The following ADAMTS3 variants were observed in gnomAD, a reference collection of about 807,000 sequenced individuals.
The protein encoded by ADAMTS3 is A disintegrin and metalloproteinase with thrombospondin motifs 3.
ADAMTS3 carries 73 observed loss-of-function variants against 129.0 expected under a neutral mutation model. The ratio of observed to expected loss-of-function variants is 0.57; its 90% confidence interval spans 0.47 to 0.69. The LOEUF (loss-of-function observed/expected upper bound fraction) is 0.69, where lower values mean the gene tolerates loss of function less well. Among genes scored for constraint, ADAMTS3 ranks in the 30% least tolerant of loss-of-function variants. The probability of loss-of-function intolerance (pLI) is 0.00; values close to 1 mark genes in which losing one functional copy is unlikely to be tolerated. For missense variants in ADAMTS3, 1,457 were observed against 1,514.5 expected (o/e 0.96, Z 0.63); for synonymous variants, 477 against 510.8 (o/e 0.93, Z 0.89).
intron 4 of ADAMTS3, among the ~76,000 whole-genome samples, chr4:72,406,993 A>G (rs1722067642): frequency 6.6e-6 from 1 of 152,140 alleles, no homozygotes; most frequent in Admixed American, 6.6e-5. Context: ...GAACCACACA[A>G]ACGCTTCTAC....
At chr4:72,525,023 T>C (rs1720772440) in intron 3 of ADAMTS3, among the ~76,000 whole-genome samples, 1 of 152,188 alleles carries the variant, frequency 6.6e-6, no homozygotes, top group Non-Finnish European at 1.5e-5. Context: ...GATTCCATGA[T>C]TCAACTTCTC....
At chr4:72,469,577 T>A (rs2060303378) in intron 3 of ADAMTS3, among the ~76,000 whole-genome samples, 1 of 152,150 alleles carries the variant, frequency 6.6e-6, no homozygotes, top group Non-Finnish European at 1.5e-5. Flanking sequence ...GTGATCAGCA[T>A]GCACAGGTCT....
chr4:72,408,991 A>C (rs1722121291), intron 4 of ADAMTS3, among the ~76,000 whole-genome samples: 1 of 152,024 alleles, frequency 6.6e-6, no homozygotes, highest in Non-Finnish European at 1.5e-5. Context: ...GGTGCAACAA[A>C]CTACCAGGTC....
At chr4:72,348,499 C>T (rs537454731) in intron 4 of ADAMTS3, among the ~76,000 whole-genome samples, 7 of 151,928 alleles carry the variant, frequency 4.6e-5, no homozygotes, top group Admixed American at 1.3e-4. Flanking sequence ...TGCAGCAAGC[C>T]GACTTTCTAA....
chr4:72,302,816 G>A (rs184524421), intron 17 of ADAMTS3, among the ~76,000 whole-genome samples: 44 of 152,218 alleles, frequency 2.9e-4, no homozygotes, highest in African/African-American at 9.9e-4. Context: ...ATATAAATGA[G>A]GCTTCTCTTC....
At chr4:72,387,400 TGCTA>T (rs1721476107) in intron 4 of ADAMTS3, among the ~76,000 whole-genome samples, 1 of 152,234 alleles carries the variant, frequency 6.6e-6, no homozygotes, top group African/African-American at 2.4e-5. Context: ...CAATCAACTA[TGCTA>T]GCTGTCTCTT....
chr4:72,483,495 G>C (rs531704412), intron 3 of ADAMTS3, among the ~76,000 whole-genome samples: 2 of 152,200 alleles, frequency 1.3e-5, no homozygotes, highest in East Asian at 3.9e-4. Context: ...TTCCAAAAGA[G>C]TGACACCCCA....
chr4:72,291,825 C>A (rs530800926), intron 19 of ADAMTS3, among the ~76,000 whole-genome samples: 3 of 152,300 alleles, frequency 2.0e-5, no homozygotes, highest in South Asian at 2.1e-4. Flanking sequence ...GGAATCGCCA[C>A]ACTGACTTCC....
intron 3 of ADAMTS3, among the ~76,000 whole-genome samples, chr4:72,512,651 A>G (rs1296730987): frequency 1.7e-4 from 26 of 152,194 alleles, no homozygotes; most frequent in Admixed American, 1.7e-3. Flanking sequence ...GGGATGGAGA[A>G]CCCATTTTCT....
Position 72,379,810 on chromosome 4 carries a change from A to AAGTAGTGCATAT in ADAMTS3, c.661+34993_661+35004dup, listed in dbSNP as rs138869528. Among the ~76,000 whole-genome samples, 207 of 152,266 alleles carry AAGTAGTGCATAT rather than the reference A, an allele frequency of 1.4e-3. 1 individual carries two copies. The highest frequency in any genetic ancestry group is 4.9e-3 in the African/African-American group (203 of 41,546). ...ACAGGATTACTGTAAGGACCAAATG[A>AAGTAGTGCATAT]AGTAGTGCATATAACACAAAATAGT... On this transcript the variant is annotated intron_variant, in intron 4 of 21. Transcript: ENST00000286657.
intron 13 of ADAMTS3, among the ~76,000 whole-genome samples, 181 bp from the exon 14 acceptor site, chr4:72,311,362 A>C (rs1719230730): frequency 6.7e-6 from 1 of 149,000 alleles, no homozygotes; most frequent in African/African-American, 2.5e-5. Flanking sequence ...TTTTTTTTTT[A>C]GCTAAGGTGA....
At chr4:72,300,466 C>T (rs1232605474) in intron 17 of ADAMTS3, among the ~76,000 whole-genome samples, 3 of 152,048 alleles carry the variant, frequency 2.0e-5, no homozygotes, top group African/African-American at 7.2e-5. Flanking sequence ...AGCTTCTGGC[C>T]TCCAATCATT....
intron 17 of ADAMTS3, among the ~76,000 whole-genome samples, chr4:72,301,215 G>T (rs1718941975): frequency 6.8e-6 from 1 of 147,478 alleles, no homozygotes; most frequent in Non-Finnish European, 1.5e-5. Context: ...ATGTTTTGAT[G>T]CTGGATTAGA....
intron 3 of ADAMTS3, among the ~76,000 whole-genome samples, chr4:72,518,280 G>A (rs1371517595): frequency 6.6e-6 from 1 of 152,122 alleles, no homozygotes; most frequent in Non-Finnish European, 1.5e-5. Flanking sequence ...TTTGGAATAG[G>A]TGTGGTATGG....
intron 4 of ADAMTS3, among the ~76,000 whole-genome samples, chr4:72,384,897 G>A (rs912039598): frequency 1.8e-4 from 28 of 152,112 alleles, no homozygotes; most frequent in African/African-American, 2.4e-4. Context: ...GGCCGGGTGT[G>A]GTGGCTCACG....
intron 4 of ADAMTS3, among the ~76,000 whole-genome samples, chr4:72,360,687 A>G (rs1578613793): frequency 6.6e-6 from 1 of 152,062 alleles, no homozygotes; most frequent in South Asian, 2.1e-4. Context: ...ATTGACTTTC[A>G]TACCTAAGAT....
chr4:72,306,165 G>GAAGCAGT, intron 15 of ADAMTS3, 98 bp from the exon 16 acceptor site: 1 of 761,936 alleles, frequency 1.3e-6, no homozygotes, highest in Non-Finnish European at 2.0e-6. Context: ...TCTGCGTGCA[G>GAAGCAGT]AAGAGGGCAT....
intron 3 of ADAMTS3, among the ~76,000 whole-genome samples, chr4:72,437,604 T>G (rs1481670): frequency 0.67 from 100,955 of 151,508 alleles, 33,829 homozygotes; most frequent in South Asian, 0.8. Context: ...AGGGTTGTGT[T>G]GTCAACAATT....
chr4:72,344,185 C>A (rs574458791), intron 4 of ADAMTS3, among the ~76,000 whole-genome samples: 2 of 152,042 alleles, frequency 1.3e-5, no homozygotes, highest in African/African-American at 4.8e-5. Flanking sequence ...TTTGAACTTA[C>A]TAAACAGATA....
Sources: allele counts gnomAD v4.1 joint callset (sites outside exome capture counted in the v4.1 genomes callset), GRCh38; gene constraint gnomAD v4.1.1; transcripts MANE v1.5; gene names NCBI Gene and HGNC (gene_info 2026-07-23, HGNC 2026-07-21).